FAM76B: variants seen among roughly 807,000 people sequenced by gnomAD.
FAM76B encodes the protein family with sequence similarity 76 member B.
FAM76B carries 16 observed loss-of-function variants against 51.8 expected under a neutral mutation model. The observed-to-expected ratio is 0.31, with a 90% CI of 0.21 to 0.47. The LOEUF (loss-of-function observed/expected upper bound fraction) is 0.47, where lower values mean the gene tolerates loss of function less well. FAM76B is among the 20% of genes least tolerant of loss of function. The pLI, the probability that FAM76B is intolerant of heterozygous loss-of-function variation, is 1.00. For missense variants in FAM76B, 342 were observed against 392.6 expected (o/e 0.87, Z 1.09); for synonymous variants, 166 against 129.5 (o/e 1.28, Z -1.91).
chr11:95,771,260 G>C lies in FAM76B; in HGVS notation c.*301C>G, dbSNP rs184419001. 1.1e-5 allele frequency: 2 copies of C among 186,980 alleles called. No homozygotes were observed. Among genetic ancestry groups the C allele is most frequent in the East Asian group, 1.4e-4 (1 of 6,996 alleles). 11.6% of individuals were successfully genotyped at this position (186,980 alleles called of 1,614,324 possible). A position where few individuals can be genotyped will look rare whatever the true frequency, so the allele number is the denominator to read the frequency against. On this transcript the variant is annotated 3_prime_UTR_variant, in exon 10 of 10. Transcript: ENST00000358780. ...CTGAAACCATACCTACTCTATTATTGCATGTTGCGTTTCATAAAGAGCACT... is the reference window on the plus strand; with the variant it reads ...CTGAAACCATACCTACTCTATTATTCCATGTTGCGTTTCATAAAGAGCACT...
chr11:95,789,521 CG>C lies in FAM76B; in HGVS notation c.-44del. The C allele has an allele frequency of 6.5e-7, 1 of 1,540,858 alleles. No homozygotes were observed. The highest frequency in any genetic ancestry group is 8.8e-7 in the Non-Finnish European group (1 of 1,139,542). On this transcript the variant is annotated 5_prime_UTR_variant, in exon 1 of 10. Transcript: ENST00000358780. ...TCCTCCGCCGCCGCCCGCTCCGAGG[CG>C]GGGCCCTACGGAGAACCCGAGAGCC...
intron 3 of FAM76B, chr11:95,786,720 T>C (rs564419781): frequency 6.5e-6 from 1 of 153,066 alleles, no homozygotes; most frequent in Admixed American, 6.5e-5. Flanking sequence ...ATATAAGGAA[T>C]ATATACTGTG....
At chr11:95,782,538 G>A (rs1860330030) in intron 5 of FAM76B, among the ~76,000 whole-genome samples, 1 of 151,834 alleles carries the variant, frequency 6.6e-6, no homozygotes, top group Non-Finnish European at 1.5e-5. Flanking sequence ...CTAAATATAT[G>A]TTTGAAAAAA....
At chr11:95,787,379 G>A (rs767207015) in intron 3 of FAM76B, among the ~76,000 whole-genome samples, 8 of 152,014 alleles carry the variant, frequency 5.3e-5, no homozygotes, top group Middle Eastern at 3.4e-3. Context: ...GACTACAGGC[G>A]CCCACCACCA....
intron 5 of FAM76B, among the ~76,000 whole-genome samples, chr11:95,781,425 T>C (rs1159798574): frequency 6.6e-6 from 1 of 152,168 alleles, no homozygotes; most frequent in Admixed American, 6.5e-5. Context: ...ATTTCATAAG[T>C]AACCAGAAGT....
chr11:95,776,169 AGTTT>A lies in FAM76B; in HGVS notation c.829-150_829-147del, dbSNP rs1162632070. 23 of 410,950 alleles carry A rather than the reference AGTTT, an allele frequency of 5.6e-5. No individual in the cohort carries two copies. The Admixed American group carries it at 7.1e-4, about 13-fold the overall frequency. 25.5% of individuals were successfully genotyped at this position (410,950 alleles called of 1,614,324 possible). On this transcript the variant is annotated intron_variant, in intron 8 of 9. Coordinates refer to ENST00000358780, the MANE Select transcript of FAM76B (RefSeq NM_144664.5). ...TTCCTGAATTGTACAAGCTATCTAA[AGTTT>A]GTTTGGTGAAATGATGAAGTCTATC...
At position 95,775,800 on chromosome 11, in the gene FAM76B, C is replaced by T. The variant is rs959189359; in HGVS notation, c.930+122G>A. 3.2e-5 allele frequency: 16 copies of T among 496,240 alleles called. No individual in the cohort carries two copies. In the Admixed American group the frequency reaches 4.3e-4, roughly 13 times the overall value. 30.7% of individuals were successfully genotyped at this position (496,240 alleles called of 1,614,324 possible). ...TTAAAAATGATTATAAAGTCAAAAT[C>T]AAAACTGAAATGCACCAACTATGCA... On this transcript the variant is annotated intron_variant, in intron 9 of 9. Coordinates refer to ENST00000358780, the MANE Select transcript of FAM76B (RefSeq NM_144664.5).
intron 3 of FAM76B, chr11:95,786,953 A>C (rs914174635): frequency 6.6e-6 from 1 of 152,208 alleles, no homozygotes; most frequent in African/African-American, 2.4e-5. Context: ...TCTGTGAATA[A>C]ATATCTTTAA....
Position 95,788,532 on chromosome 11 carries a change from C to T in FAM76B, c.119G>A (p.Cys40Tyr). Residue 40 changes from cysteine to tyrosine, a missense_variant, in exon 2 of 10, where the codon TGT becomes TAT. By Grantham distance (194) the Cys-to-Tyr change is radical (BLOSUM62 -2). Around this residue, in one of 3 missense-constraint regions of FAM76B, gnomAD observed 96 missense variants for 94.7 expected, o/e 1.01. Coordinates refer to ENST00000358780, the MANE Select transcript of FAM76B (RefSeq NM_144664.5). Reference sequence around the variant, plus strand: ...TTGAAATTCTGATCTGCAGTAAGTACATTTTACAATAGGATGTGCAATCCG... The same window carrying T: ...TTGAAATTCTGATCTGCAGTAAGTATATTTTACAATAGGATGTGCAATCCG... Reference protein sequence around the residue: ...ECRIAHPIVKCTYCRSEFQQE... With the variant: ...ECRIAHPIVKYTYCRSEFQQE... The T allele has an allele frequency of 6.2e-7, 1 of 1,612,938 alleles. No individual in the cohort carries two copies. Among genetic ancestry groups the T allele is most frequent in the Non-Finnish European group, 8.5e-7 (1 of 1,179,592 alleles).
intron 2 of FAM76B, 48 bp downstream of exon 2, chr11:95,788,450 TA>T: frequency 7.0e-7 from 1 of 1,429,334 alleles, no homozygotes; most frequent in Non-Finnish European, 9.8e-7. Flanking sequence ...AAGTATTCCA[TA>T]AAGACAACAC....
intron 5 of FAM76B, among the ~76,000 whole-genome samples, chr11:95,782,067 AATGGGCATGCCATAT>A (rs1336701988): frequency 6.6e-6 from 1 of 152,190 alleles, no homozygotes; most frequent in East Asian, 1.9e-4. Flanking sequence ...TTATTCTGAA[AATGGGCATGCCATAT>A]GTCCGTTTTT....
chr11:95,783,350 C>T (rs1368657551), intron 4 of FAM76B, 86 bp from the exon 5 acceptor site: 8 of 1,106,702 alleles, frequency 7.2e-6, no homozygotes, highest in Non-Finnish European at 9.3e-6. Flanking sequence ...CAACTTCCAC[C>T]TATATTCCAC....
rs1172332589 is a variant in FAM76B, at chr11:95,770,649, C to G, written c.*912G>C. The G allele has an allele frequency of 6.6e-6, 1 of 151,730 alleles. No individual in the cohort carries two copies. Among genetic ancestry groups the G allele is most frequent in the Non-Finnish European group, 1.5e-5 (1 of 67,454 alleles). The allele number at this position is 151,730 out of a possible 1,614,324, so 9.4% of individuals were successfully genotyped here. On this transcript the variant is annotated 3_prime_UTR_variant, in exon 10 of 10. Transcript: ENST00000358780. The stretch of plus-strand genomic sequence containing the variant: ...ATAATTAAATGAATTCAAAGACCAA[C>G]AGCTTCCCTTATCACACAGAAACAA...
intron 3 of FAM76B, among the ~76,000 whole-genome samples, chr11:95,787,136 T>C (rs544784068): frequency 3.3e-4 from 50 of 152,368 alleles, no homozygotes; most frequent in Non-Finnish European, 6.8e-4. Flanking sequence ...AACAGGTATA[T>C]AATTTGACTG....
intron 5 of FAM76B, among the ~76,000 whole-genome samples, chr11:95,781,937 A>C (rs1860293108): frequency 6.6e-6 from 1 of 152,166 alleles, no homozygotes; most frequent in African/African-American, 2.4e-5. Flanking sequence ...ACTACATTAC[A>C]TTCTAAAAAT....
intron 4 of FAM76B, among the ~76,000 whole-genome samples, chr11:95,784,516 A>G (rs1023079550): frequency 6.6e-6 from 1 of 151,840 alleles, no homozygotes; most frequent in Non-Finnish European, 1.5e-5. Flanking sequence ...AGGCACTCTT[A>G]GCACTGTTGG....
intron 5 of FAM76B, among the ~76,000 whole-genome samples, chr11:95,781,143 T>C (rs1360441408): frequency 6.6e-6 from 1 of 151,628 alleles, no homozygotes; most frequent in African/African-American, 2.4e-5. Flanking sequence ...CTAACAGCAC[T>C]AACCATATCT....
chr11:95,782,917 G>T, intron 5 of FAM76B, 148 bp downstream of exon 5: 1 of 919,624 alleles, frequency 1.1e-6, no homozygotes, highest in East Asian at 2.5e-5. Flanking sequence ...TGAATAAAAT[G>T]GAGACACAGC....
At position 95,787,670 on chromosome 11, in the gene FAM76B, T is replaced by C. The variant is rs1488792519; in HGVS notation, c.161A>G (p.Asn54Ser). Reference protein sequence around the residue: ...RSEFQQESKTNTICKKCAQNV... With the variant: ...RSEFQQESKTSTICKKCAQNV... The stretch of plus-strand genomic sequence containing the variant: ...TTGAGCACACTTCTTACAAATTGTG[T>C]TAGTTTTGCTGAAAAATAAATTGTA... Residue 54 changes from asparagine (N) to serine (S), a missense_variant, in exon 3 of 10, where the codon AAC becomes AGC. Physicochemically the swap from Asn to Ser is conservative, Grantham distance 46. Around this residue, in one of 3 missense-constraint regions of FAM76B, gnomAD observed 96 missense variants for 94.7 expected, o/e 1.01. Coordinates refer to ENST00000358780, the MANE Select transcript of FAM76B (RefSeq NM_144664.5). 2 of 1,606,724 alleles carry C rather than the reference T, an allele frequency of 1.2e-6. No homozygotes were observed. The highest frequency in any genetic ancestry group is 1.7e-6 in the Non-Finnish European group (2 of 1,175,192).
Sources: gnomAD v4.1 joint callset for allele counts (sites outside exome capture counted in the v4.1 genomes callset) on GRCh38, gnomAD v4.1.1 for gene constraint, gnomAD v4.1.1 regional missense constraint, MANE v1.5 for transcripts, NCBI Gene and HGNC (gene_info 2026-07-23, HGNC 2026-07-21) for gene names.